The following GRM8 variants were observed in gnomAD, a reference collection of about 807,000 sequenced individuals.
GRM8 encodes the protein glutamate metabotropic receptor 8.
Under a neutral mutation model 87.2 loss-of-function variants are expected in GRM8, and 47 were observed. The ratio of observed to expected loss-of-function variants is 0.54; its 90% confidence interval spans 0.43 to 0.69. GRM8 has a LOEUF of 0.69. Ranked by LOEUF, GRM8 falls within the 30% of genes least tolerant of loss-of-function variation. The probability of loss-of-function intolerance (pLI) is 0.00; values close to 1 mark genes in which losing one functional copy is unlikely to be tolerated. For missense variants in GRM8, 1,019 were observed against 1,139.2 expected (o/e 0.89, Z 1.52); for synonymous variants, 396 against 404.5 (o/e 0.98, Z 0.25).
chr7:126,997,640 T>C (rs1359167050), intron 3 of GRM8, among the ~76,000 whole-genome samples: 1 of 151,312 alleles, frequency 6.6e-6, no homozygotes, highest in Non-Finnish European at 1.5e-5. Flanking sequence ...GGATCATTAG[T>C]GACTACTATG....
chr7:126,533,325 G>T lies in GRM8; in HGVS notation c.2057C>A (p.Ala686Glu). Residue 686 changes from alanine to glutamate, a missense_variant, in exon 9 of 11, where the codon GCG (alanine) becomes GAG (glutamate). Transcript: ENST00000339582. ...IFEQGKKSVT[A>E]PKFISPASQL... ...AGATGCTGGACTAATGAACTTGGGC[G>T]CTGTGACAGATTTCTTCCCCTGCTC... The T allele has an allele frequency of 6.2e-7, 1 of 1,613,666 alleles. No individual in the cohort carries two copies. The highest frequency in any genetic ancestry group is 8.5e-7 in the Non-Finnish European group (1 of 1,179,798).
rs28951984 is a variant in GRM8 at position 127,071,867 on chromosome 7, T to G, written c.727+34629A>C. Among the ~76,000 whole-genome samples the G allele has an allele frequency of 1.4e-4, 22 of 152,206 alleles. No homozygotes were observed. The East Asian group carries it at 4.3e-3, about 30-fold the overall frequency. On this transcript the variant is annotated intron_variant, in intron 3 of 10. Transcript: ENST00000339582. ...TCAAACTGAATATCAGACCCCCAAC[T>G]GAAATTCAGTATGGTAAAAATAGAA...
intron 3 of GRM8, among the ~76,000 whole-genome samples, chr7:127,105,054 C>T (rs2402853): frequency 6.6e-6 from 1 of 152,156 alleles, no homozygotes; most frequent in South Asian, 2.1e-4. Context: ...TCTCCTCTTG[C>T]TAAATTATCA....
intron 7 of GRM8, among the ~76,000 whole-genome samples, chr7:126,658,803 C>G (rs1479470054): frequency 6.6e-6 from 1 of 151,962 alleles, no homozygotes. Context: ...CCGGGCCCGC[C>G]CAGCAGACCC....
At chr7:126,520,413 A>C (rs1425756450) in intron 9 of GRM8, among the ~76,000 whole-genome samples, 1 of 152,082 alleles carries the variant, frequency 6.6e-6, no homozygotes, top group Non-Finnish European at 1.5e-5. Flanking sequence ...TTCTGATCCC[A>C]GTTTTGGATT....
At chr7:126,511,426 A>AGAC (rs1811353331) in intron 9 of GRM8, 1 of 152,170 alleles carries the variant, frequency 6.6e-6, no homozygotes, top group Non-Finnish European at 1.5e-5. Flanking sequence ...ACAAATCTAT[A>AGAC]GACAACATGG....
chr7:127,025,234 G>T (rs1816659716), intron 3 of GRM8, among the ~76,000 whole-genome samples: 1 of 151,958 alleles, frequency 6.6e-6, no homozygotes. Flanking sequence ...AGACTACAGG[G>T]TCTTTTGATA....
At chr7:126,846,402 G>C (rs73723511) in intron 6 of GRM8, among the ~76,000 whole-genome samples, 2 of 152,358 alleles carry the variant, frequency 1.3e-5, no homozygotes, top group African/African-American at 2.4e-5. Flanking sequence ...CACACAGTGT[G>C]AACTTAAGTG....
intron 3 of GRM8, among the ~76,000 whole-genome samples, chr7:126,947,374 A>T (rs1807655119): frequency 6.6e-6 from 1 of 152,198 alleles, no homozygotes; most frequent in African/African-American, 2.4e-5. Context: ...ATTATTCAAC[A>T]TATTGTTTTA....
intron 8 of GRM8, among the ~76,000 whole-genome samples, chr7:126,605,209 AAT>A (rs947957517): frequency 2.6e-4 from 40 of 152,264 alleles, no homozygotes; most frequent in African/African-American, 9.6e-4. Flanking sequence ...TCTAGGTTAC[AAT>A]ATGTTTTGTA....
At chr7:127,052,225 A>C (rs571514159) in intron 3 of GRM8, among the ~76,000 whole-genome samples, 9 of 152,302 alleles carry the variant, frequency 5.9e-5, no homozygotes, top group African/African-American at 2.2e-4. Context: ...CATTTGCAAA[A>C]TAGAAGGGGC....
chr7:126,820,626 T>G (rs147292332), intron 6 of GRM8, among the ~76,000 whole-genome samples: 137 of 152,318 alleles, frequency 9.0e-4, no homozygotes, highest in African/African-American at 3.2e-3. Context: ...CACGGATAGG[T>G]GTGGTCTTGC....
chr7:126,762,635 A>G (rs1047486674), intron 7 of GRM8, among the ~76,000 whole-genome samples: 9 of 151,860 alleles, frequency 5.9e-5, no homozygotes, highest in Non-Finnish European at 1.3e-4. Context: ...TTTTAATAGT[A>G]TTTTAAATTT....
chr7:127,160,525 T>TCA (rs1554603493), intron 2 of GRM8, among the ~76,000 whole-genome samples: 3 of 98,358 alleles, frequency 3.1e-5, no homozygotes, highest in Admixed American at 8.9e-5. Context: ...GGAGGCTCCA[T>TCA]CACGCGCGCG....
chr7:126,754,414 G>T (rs2151552894), intron 7 of GRM8, among the ~76,000 whole-genome samples: 1 of 151,924 alleles, frequency 6.6e-6, no homozygotes, highest in Non-Finnish European at 1.5e-5. Context: ...CAATTCTTAA[G>T]ATTAAAAACA....
Position 126,801,724 on chromosome 7 carries a change from G to A in GRM8, c.1157-31659C>T, listed in dbSNP as rs144934816. On this transcript the variant is annotated intron_variant, in intron 6 of 10. Coordinates refer to ENST00000339582, the MANE Select transcript of GRM8 (RefSeq NM_000845.3). ...GAGAGAGTCAGCAAACAAAATATTC[G>A]GAAGGGGTCCCCTCTCATAGTAAGA... 7.8e-4 allele frequency among the ~76,000 whole-genome samples: 119 copies of A among 151,992 alleles called. 1 individual carries two copies. Among genetic ancestry groups the A allele is most frequent in the East Asian group, 5.4e-3 (28 of 5,174 alleles).
chr7:126,993,526 T>C (rs953857659), intron 3 of GRM8, among the ~76,000 whole-genome samples: 1 of 151,994 alleles, frequency 6.6e-6, no homozygotes, highest in African/African-American at 2.4e-5. Flanking sequence ...AAAACAAAAA[T>C]CAGGTAAGCA....
intron 2 of GRM8, among the ~76,000 whole-genome samples, chr7:127,242,340 A>T (rs1798349853): frequency 6.6e-6 from 1 of 152,226 alleles, no homozygotes; most frequent in African/African-American, 2.4e-5. Context: ...GTTTTCCATG[A>T]TAAATGCGCT....
At chr7:127,195,568 G>T (rs1351033084) in intron 2 of GRM8, among the ~76,000 whole-genome samples, 1 of 152,100 alleles carries the variant, frequency 6.6e-6, no homozygotes, top group Non-Finnish European at 1.5e-5. Context: ...TACTCAATGT[G>T]GCCAGTTCTA....
Sources: gnomAD v4.1 joint callset for allele counts (sites outside exome capture counted in the v4.1 genomes callset) on GRCh38, gnomAD v4.1.1 for gene constraint, MANE v1.5 for transcripts, NCBI Gene and HGNC (gene_info 2026-07-23, HGNC 2026-07-21) for gene names.